B3GALT1: variants seen among roughly 807,000 people sequenced by gnomAD.
B3GALT1 encodes the protein UDP-Gal:betaGlcNAc beta 1,3-galactosyltransferase, polypeptide 1.
Under a neutral mutation model 23.2 loss-of-function variants are expected in B3GALT1, and 10 were observed. The observed-to-expected ratio is 0.43, with a 90% CI of 0.27 to 0.73. The LOEUF is 0.73. B3GALT1 is among the 30% of genes least tolerant of loss of function. The probability of loss-of-function intolerance (pLI) is 0.21; values close to 1 mark genes in which losing one functional copy is unlikely to be tolerated. For missense variants in B3GALT1, 299 were observed against 405.4 expected (o/e 0.74, Z 2.25); for synonymous variants, 156 against 141.5 (o/e 1.10, Z -0.73).
chr2:167,392,871 C>G (rs1011380918), intron 1 of B3GALT1, among the ~76,000 whole-genome samples: 1 of 152,134 alleles, frequency 6.6e-6, no homozygotes, highest in Admixed American at 6.5e-5. Flanking sequence ...ATGGATGTAT[C>G]ATAACACACT....
intron 1 of B3GALT1, among the ~76,000 whole-genome samples, chr2:167,366,191 A>T (rs1291794385): frequency 2.0e-5 from 3 of 152,230 alleles, no homozygotes; most frequent in Non-Finnish European, 4.4e-5. Context: ...GAAGCATTTA[A>T]TTGGTGGTGA....
intron 2 of B3GALT1, among the ~76,000 whole-genome samples, chr2:167,611,604 G>T (rs192026848): frequency 6.6e-6 from 1 of 151,946 alleles, no homozygotes; most frequent in South Asian, 2.1e-4. Flanking sequence ...CATTGCCAGC[G>T]AGTTGTAGTT....
At chr2:167,568,833 G>A (rs1459920586) in intron 2 of B3GALT1, among the ~76,000 whole-genome samples, 1 of 151,370 alleles carries the variant, frequency 6.6e-6, no homozygotes, top group Non-Finnish European at 1.5e-5. Context: ...TCTTTCTCCT[G>A]TGTTATTTTT....
chr2:167,454,893 G>A (rs191866265), intron 1 of B3GALT1, among the ~76,000 whole-genome samples: 135 of 152,212 alleles, frequency 8.9e-4, no homozygotes, highest in African/African-American at 2.6e-3. Flanking sequence ...CAATGTTTGG[G>A]CCTCAGCCAT....
At chr2:167,860,910 CT>C (rs1690087513) in intron 4 of B3GALT1, among the ~76,000 whole-genome samples, 1 of 151,488 alleles carries the variant, frequency 6.6e-6, no homozygotes, top group Non-Finnish European at 1.5e-5. Flanking sequence ...TTTTGCATCC[CT>C]TTTCACACTC....
At chr2:167,411,997 G>A (rs1415378665) in intron 1 of B3GALT1, among the ~76,000 whole-genome samples, 1 of 152,118 alleles carries the variant, frequency 6.6e-6, no homozygotes, top group Non-Finnish European at 1.5e-5. Context: ...AGGAGCTAAA[G>A]TGTGGAGCTC....
At chr2:167,692,488 TAA>T (rs1686730092) in intron 3 of B3GALT1, among the ~76,000 whole-genome samples, 2 of 152,224 alleles carry the variant, frequency 1.3e-5, no homozygotes, top group South Asian at 4.1e-4. Flanking sequence ...CACTTTGTAA[TAA>T]AAAGAGCATG....
intron 1 of B3GALT1, among the ~76,000 whole-genome samples, chr2:167,447,718 A>G (rs563400423): frequency 5.3e-5 from 8 of 152,194 alleles, no homozygotes; most frequent in East Asian, 3.9e-4. Flanking sequence ...GAAAAGCACA[A>G]TATTAGGGTG....
intron 2 of B3GALT1, among the ~76,000 whole-genome samples, chr2:167,511,217 G>T (rs1699998666): frequency 6.6e-6 from 1 of 152,178 alleles, no homozygotes; most frequent in Non-Finnish European, 1.5e-5. Flanking sequence ...TATGGAAAAT[G>T]ATATGATTTG....
At chr2:167,628,390 A>G (rs1685382315) in intron 2 of B3GALT1, among the ~76,000 whole-genome samples, 1 of 149,738 alleles carries the variant, frequency 6.7e-6, no homozygotes, top group Admixed American at 6.6e-5. Flanking sequence ...CCTATTTCGA[A>G]ACATGGCTTG....
intron 3 of B3GALT1, among the ~76,000 whole-genome samples, chr2:167,775,353 G>A (rs555777423): frequency 3.0e-4 from 45 of 152,158 alleles, no homozygotes; most frequent in Middle Eastern, 6.8e-3. Flanking sequence ...GGTGGATCAC[G>A]AGGTCAGGAG....
At chr2:167,519,718 T>G (rs977194977) in intron 2 of B3GALT1, among the ~76,000 whole-genome samples, 1 of 152,206 alleles carries the variant, frequency 6.6e-6, no homozygotes, top group Non-Finnish European at 1.5e-5. Context: ...GTATTCACAT[T>G]TCCTGCCAAT....
At chr2:167,626,345 A>G (rs1354232483) in intron 2 of B3GALT1, among the ~76,000 whole-genome samples, 2 of 151,792 alleles carry the variant, frequency 1.3e-5, no homozygotes, top group African/African-American at 4.8e-5. Context: ...TTTATCTCAC[A>G]GTAAGAAGCT....
chr2:167,843,255 T>G (rs1296491901), intron 4 of B3GALT1, among the ~76,000 whole-genome samples: 1 of 152,204 alleles, frequency 6.6e-6, no homozygotes, highest in Non-Finnish European at 1.5e-5. Flanking sequence ...TGCCTTTATA[T>G]GAAAGATTAT....
chr2:167,722,188 T>C (rs1224230669), intron 3 of B3GALT1, among the ~76,000 whole-genome samples: 1 of 152,234 alleles, frequency 6.6e-6, no homozygotes, highest in Non-Finnish European at 1.5e-5. Flanking sequence ...AGGTAGGCTA[T>C]AGTATAAATG....
intron 2 of B3GALT1, among the ~76,000 whole-genome samples, chr2:167,635,633 A>T (rs201299740): frequency 9.8e-3 from 5 of 510 alleles, no homozygotes; most frequent in South Asian, 0.5. Context: ...AATACAACTT[A>T]AAAAGGGATG....
chr2:167,684,359 A>G, intron 3 of B3GALT1, among the ~76,000 whole-genome samples: 1 of 152,348 alleles, frequency 6.6e-6, no homozygotes, highest in Non-Finnish European at 1.5e-5. Context: ...AGCCTGAAAC[A>G]TTACCCAGTG....
At chr2:167,840,265 T>G (rs1574294742) in intron 4 of B3GALT1, among the ~76,000 whole-genome samples, 2 of 152,094 alleles carry the variant, frequency 1.3e-5, no homozygotes, top group East Asian at 3.9e-4. Flanking sequence ...GGAGAAAATT[T>G]TTGCCACCTA....
At chr2:167,794,403 T>C (rs1297919169) in intron 3 of B3GALT1, among the ~76,000 whole-genome samples, 1 of 152,208 alleles carries the variant, frequency 6.6e-6, no homozygotes, top group African/African-American at 2.4e-5. Flanking sequence ...TCTGTTGATT[T>C]ACTGTTGCAT....
Sources: allele counts gnomAD v4.1 joint callset (sites outside exome capture counted in the v4.1 genomes callset), GRCh38; gene constraint gnomAD v4.1.1; transcripts MANE v1.5; gene names NCBI Gene and HGNC (gene_info 2026-07-23, HGNC 2026-07-21).